The following NEBL variants were observed in gnomAD, a reference collection of about 807,000 sequenced individuals.
The protein encoded by NEBL is nebulette.
A neutral mutation model predicts 140.2 loss-of-function variants in NEBL; 122 were observed. The ratio of observed to expected loss-of-function variants is 0.87; its 90% CI spans 0.75 to 1.01. NEBL has a LOEUF of 1.01. Ranked by LOEUF, NEBL falls within the 50% of genes least tolerant of loss-of-function variation. NEBL has a pLI of 0.00. For synonymous variants in NEBL, 436 were observed against 398.9 expected, an observed-to-expected ratio of 1.09 and a Z score of -1.11; for missense variants, 1,365 against 1,231.3, an observed-to-expected ratio of 1.11 and a Z score of -1.62.
In NEBL at chr10:20,823,266, G is replaced by A. The variant is rs727503335; in HGVS notation, c.1904C>T (p.Ala635Val). Reference protein sequence around the residue: ...KYKEEIKHATAISDPPELKRV... With the variant: ...KYKEEIKHATVISDPPELKRV... ...CTTTAGTTCTGGAGGATCAGAAATG[G>A]CTGTTGCATGTTTAATCTCTTCTTT... Residue 635 changes from alanine to valine, a missense_variant, in exon 19 of 28, where the codon GCC (alanine) becomes GTC (valine). Ala to Val is a moderately conservative substitution (Grantham distance 64). Around this residue, in one of 2 missense-constraint regions of NEBL, gnomAD observed 1,323 missense variants for 1,154.8 expected, o/e 1.15. Coordinates refer to ENST00000377122, the MANE Select transcript of NEBL (RefSeq NM_006393.3). 15 of 1,608,974 alleles carry A rather than the reference G, an allele frequency of 9.3e-6. No homozygotes were observed. The highest frequency in any genetic ancestry group is 1.3e-5 in the Non-Finnish European group (15 of 1,177,862).
intron 8 of NEBL, among the ~76,000 whole-genome samples, chr10:20,858,891 A>G (rs1843379740): frequency 3.9e-5 from 6 of 152,156 alleles, no homozygotes; most frequent in African/African-American, 1.4e-4. Context: ...AGGTACTTTA[A>G]GTAGCCCCAT....
chr10:21,232,451 G>A (rs979343190), intron 3 of NEBL, among the ~76,000 whole-genome samples: 11 of 152,210 alleles, frequency 7.2e-5, no homozygotes, highest in African/African-American at 2.7e-4. Context: ...TGTAATATAT[G>A]AGGAAATAAT....
intron 3 of NEBL, among the ~76,000 whole-genome samples, chr10:20,992,163 A>G (rs1439330965): frequency 6.6e-6 from 1 of 152,220 alleles, no homozygotes; most frequent in Non-Finnish European, 1.5e-5. Flanking sequence ...TTTAAAAATT[A>G]CTTTGCTAAT....
chr10:20,814,240 A>T (rs1838465903), intron 22 of NEBL, among the ~76,000 whole-genome samples, 197 bp from the exon 23 acceptor site: 2 of 152,038 alleles, frequency 1.3e-5, no homozygotes, highest in African/African-American at 2.4e-5. Flanking sequence ...CCTACTGCTA[A>T]ATGACCTAAA....
chr10:21,020,189 C>T (rs367567398), exon 3 of NEBL: 10 of 1,613,978 alleles, frequency 6.2e-6, no homozygotes, highest in Non-Finnish European at 8.5e-6. Flanking sequence ...TGAAGGACTG[C>T]TTCGGGTAGT....
chr10:21,151,132 G>T (rs777068557), intron 2 of NEBL, among the ~76,000 whole-genome samples: 5 of 152,272 alleles, frequency 3.3e-5, no homozygotes, highest in African/African-American at 1.2e-4. Flanking sequence ...CGATTCTTCT[G>T]CAGGATTTTT....
chr10:20,959,675 G>T (rs45567138), intron 4 of NEBL, among the ~76,000 whole-genome samples: 14,707 of 151,968 alleles, frequency 0.097, 1,047 homozygotes, highest in African/African-American at 0.2. Context: ...ATATTATGAA[G>T]TCTATATTTT....
chr10:21,139,499 G>A (rs1589274654), intron 2 of NEBL, among the ~76,000 whole-genome samples: 1 of 152,298 alleles, frequency 6.6e-6, no homozygotes, highest in East Asian at 1.9e-4. Flanking sequence ...CGCATCTGAA[G>A]GGTGTGGACC....
chr10:20,801,927 C>A (rs1057217260), intron 26 of NEBL, among the ~76,000 whole-genome samples: 1 of 152,148 alleles, frequency 6.6e-6, no homozygotes, highest in Non-Finnish European at 1.5e-5. Context: ...GCTAGGCCAT[C>A]CCCATAAGAC....
intron 2 of NEBL, among the ~76,000 whole-genome samples, chr10:21,144,094 T>G (rs1839773624): frequency 6.6e-6 from 1 of 152,250 alleles, no homozygotes; most frequent in African/African-American, 2.4e-5. Flanking sequence ...GAGAGGCATC[T>G]GCAGCACTGT....
At chr10:21,097,283 A>T (rs1324879290) in intron 2 of NEBL, among the ~76,000 whole-genome samples, 2 of 151,168 alleles carry the variant, frequency 1.3e-5, no homozygotes, top group African/African-American at 2.4e-5. Context: ...ACATTGTGAA[A>T]CCCTGTCTGT....
At chr10:20,896,516 A>ATATATATATATATATATT (rs1339116159) in intron 2 of NEBL, among the ~76,000 whole-genome samples, 1 of 138,314 alleles carries the variant, frequency 7.2e-6, no homozygotes, top group Non-Finnish European at 1.6e-5. Context: ...ATATATATAT[A>ATATATATATATATATATT]TGCATTTTCC....
At chr10:21,247,455 G>A (rs1299266122) in intron 3 of NEBL, among the ~76,000 whole-genome samples, 3 of 152,132 alleles carry the variant, frequency 2.0e-5, no homozygotes, top group African/African-American at 7.2e-5. Flanking sequence ...GGAGTTGGGG[G>A]AGCAAAGAAA....
intron 3 of NEBL, among the ~76,000 whole-genome samples, chr10:21,192,467 C>A (rs1358080149): frequency 1.3e-5 from 2 of 151,350 alleles, no homozygotes; most frequent in African/African-American, 4.8e-5. Flanking sequence ...GCTGGGATTA[C>A]AGGTGTGAGC....
chr10:20,794,031 G>A (rs891599973), intron 26 of NEBL, among the ~76,000 whole-genome samples: 2 of 152,196 alleles, frequency 1.3e-5, no homozygotes, highest in African/African-American at 4.8e-5. Flanking sequence ...GGAGGCGAAT[G>A]TTTGAACCTG....
intron 7 of NEBL, among the ~76,000 whole-genome samples, chr10:20,864,901 A>C (rs1844115161): frequency 6.6e-6 from 1 of 152,136 alleles, no homozygotes; most frequent in Non-Finnish European, 1.5e-5. Context: ...TACAGCTTAT[A>C]AAATCTTATA....
chr10:21,183,851 G>C (rs1279109960), intron 3 of NEBL, among the ~76,000 whole-genome samples: 1 of 152,104 alleles, frequency 6.6e-6, no homozygotes, highest in East Asian at 1.9e-4. Context: ...GAATCATGGG[G>C]GAGGGTCTTT....
At chr10:20,825,455 G>C (rs1036055123) in intron 18 of NEBL, among the ~76,000 whole-genome samples, 1 of 152,068 alleles carries the variant, frequency 6.6e-6, no homozygotes, top group African/African-American at 2.4e-5. Flanking sequence ...TCAGGTGTTT[G>C]AGACCAGCCT....
At chr10:20,790,243 G>C (rs1835835923) in intron 26 of NEBL, among the ~76,000 whole-genome samples, 1 of 151,600 alleles carries the variant, frequency 6.6e-6, no homozygotes, top group South Asian at 2.1e-4. Context: ...AGTTTCTTTG[G>C]GATTATAAAA....
Sources: allele counts gnomAD v4.1 joint callset (sites outside exome capture counted in the v4.1 genomes callset), GRCh38; gene constraint gnomAD v4.1.1; regional missense constraint gnomAD v4.1.1; transcripts MANE v1.5; gene names NCBI Gene and HGNC (gene_info 2026-07-23, HGNC 2026-07-21).